Variants in INSRR observed in about 807,000 individuals in gnomAD.
The protein encoded by INSRR is insulin receptor-related protein.
In INSRR, 114 loss-of-function variants were observed where a neutral mutation model predicts 130.0. The ratio of observed to expected loss-of-function variants is 0.88; its 90% CI spans 0.75 to 1.02. The LOEUF is 1.02. INSRR is among the 50% of genes least tolerant of loss of function. The pLI, the probability that INSRR is intolerant of heterozygous loss-of-function variation, is 0.00. For missense variants in INSRR, 1,657 were observed against 1,735.2 expected, an observed-to-expected ratio of 0.95 and a Z score of 0.80; for synonymous variants, 674 against 705.2, an observed-to-expected ratio of 0.96 and a Z score of 0.70.
chr1:156,846,170 T>C (rs1174218487), intron 8 of INSRR, 51 bp from the exon 9 acceptor site: 6 of 1,509,718 alleles, frequency 4.0e-6, no homozygotes, highest in African/African-American at 1.4e-5. Context: ...TCCTCCTGAA[T>C]ACTATCTAGT....
Position 156,853,849 on chromosome 1 carries a change from G to A in INSRR, c.540C>T (p.Cys180=), listed in dbSNP as rs769542190. 1 of 1,613,948 alleles carries A rather than the reference G, an allele frequency of 6.2e-7. No homozygotes were observed. The highest frequency in any genetic ancestry group is 1.7e-5 in the Admixed American group (1 of 60,026). Reference sequence around the variant, plus strand: ...CACCAGCAGCACCCAGCACACCAGGGCACACGTCAGCACACTCCTCGCCCA... The same window carrying A: ...CACCAGCAGCACCCAGCACACCAGGACACACGTCAGCACACTCCTCGCCCA... The part of the protein sequence containing the change: ...NKLGEECADV[C]PGVLGAAGEP... The change falls in exon 2 of 22, where the codon TGC becomes TGT. Residue 180 remains cysteine (C), a synonymous_variant. Transcript: ENST00000368195.
rs528459873 is a variant in INSRR, at chr1:156,844,474, T to A, written c.2725A>T (p.Ile909Phe). ...GSWTDSVAFY[I>F]LGPEEEDAGG... ...AGGCTGTGTATACCTGGGCCAAGGATGTAGAAGGCAACACTGTCTGTCCAA... is the reference window on the plus strand; with the variant it reads ...AGGCTGTGTATACCTGGGCCAAGGAAGTAGAAGGCAACACTGTCTGTCCAA... The change falls in exon 14 of 22, where the codon ATC becomes TTC. Residue 909 changes from isoleucine (I) to phenylalanine (F), a missense_variant. Ile to Phe is a conservative substitution (Grantham distance 21). Transcript: ENST00000368195. 1.9e-6 allele frequency: 3 copies of A among 1,613,788 alleles called. No homozygotes were observed. In the African/African-American group the frequency reaches 4.0e-5, roughly 22 times the overall value.
intron 12 of INSRR, 116 bp downstream of exon 12, chr1:156,844,960 T>C: frequency 6.5e-7 from 1 of 1,549,858 alleles, no homozygotes; most frequent in Non-Finnish European, 8.8e-7. Flanking sequence ...TTATGGGAAC[T>C]GAGAGGGGCA....
At position 156,854,210 on chromosome 1, in the gene INSRR, A is replaced by G; in HGVS notation, c.179T>C (p.Met60Thr). 1.2e-6 allele frequency: 2 copies of G among 1,614,074 alleles called. No homozygotes were observed. The highest frequency in any genetic ancestry group is 1.7e-6 in the Non-Finnish European group (2 of 1,180,038). Reference sequence around the variant, plus strand: ...GAAGTCCTCCCCGGTGGCTGTGAACATGAGCAGGATCTGCAGGTGGCCCTC... The same window carrying G: ...GAAGTCCTCCCCGGTGGCTGTGAACGTGAGCAGGATCTGCAGGTGGCCCTC... Reference protein sequence around the residue: ...VVEGHLQILLMFTATGEDFRG... With the variant: ...VVEGHLQILLTFTATGEDFRG... Residue 60 changes from methionine to threonine, a missense_variant, in exon 2 of 22, where the codon ATG becomes ACG. By Grantham distance (81) the Met-to-Thr change is moderately conservative. Coordinates refer to ENST00000368195, the MANE Select transcript of INSRR (RefSeq NM_014215.3). The surrounding 1 kb of genome is among the most constrained non-coding windows in gnomAD (Gnocchi z 4.2).
In INSRR at chr1:156,840,575, T is replaced by G; in HGVS notation, c.*298A>C. 1 of 443,776 alleles carries G rather than the reference T, an allele frequency of 2.3e-6. No individual in the cohort carries two copies. Among genetic ancestry groups the G allele is most frequent in the South Asian group, 2.6e-5 (1 of 39,132 alleles). The allele number at this position is 443,776 out of a possible 1,614,324, so 27.5% of individuals were successfully genotyped here. On this transcript the variant is annotated 3_prime_UTR_variant, in exon 22 of 22. Transcript: ENST00000368195. Reference sequence around the variant, plus strand: ...GCCTCTAGGGTGGGCGGGCCCCCTCTTCCTAGTCTGAGTGGGGTCCCTACC... The same window carrying G: ...GCCTCTAGGGTGGGCGGGCCCCCTCGTCCTAGTCTGAGTGGGGTCCCTACC...
intron 1 of INSRR, among the ~76,000 whole-genome samples, chr1:156,857,738 C>T (rs1172209265): frequency 2.0e-5 from 3 of 152,212 alleles, no homozygotes; most frequent in African/African-American, 7.2e-5. Context: ...CATCATAGGA[C>T]CTCTCGGGCA....
In INSRR at chr1:156,854,073, C is replaced by T. The variant is rs150399755; in HGVS notation, c.316G>A (p.Gly106Arg). ...GCATAGCCCAGGAAGAGGCGCGTCC[C>T]GCGGATGACTGCTAGGTTGGGGAAG... ...DLFPNLAVIR[G>R]TRLFLGYALV... Residue 106 changes from glycine to arginine, a missense_variant, in exon 2 of 22, where the codon GGG (glycine) becomes AGG (arginine). Physicochemically the swap from Gly to Arg is moderately radical, Grantham distance 125. Transcript: ENST00000368195. This position sits in a 1 kb window ranked among gnomAD's most constrained non-coding sequence, Gnocchi z 4.2. The T allele has an allele frequency of 2.2e-5, 36 of 1,613,962 alleles. No individual in the cohort carries two copies. The South Asian group carries it at 2.3e-4, about 10-fold the overall frequency.
chr1:156,853,259 G>C lies in INSRR; in HGVS notation c.637+493C>G, dbSNP rs369173010. On this transcript the variant is annotated intron_variant, in intron 2 of 21. Coordinates refer to ENST00000368195, the MANE Select transcript of INSRR (RefSeq NM_014215.3). ...CACTGTGCTGTGGCCACTCTGATTA[G>C]GAACATAGAACTGCTACCATGACCC... is the stretch of plus-strand genomic sequence containing the variant. Among the ~76,000 whole-genome samples the C allele has an allele frequency of 5.9e-5, 9 of 152,238 alleles. No individual in the cohort carries two copies. In the East Asian group the frequency reaches 1.2e-3, roughly 20 times the overall value.
Position 156,842,114 on chromosome 1 carries a change from C to T in INSRR, c.3395G>A (p.Gly1132Glu). ...MVSQDFTVKI[G>E]DFGMTRDVYE... Reference sequence around the variant, plus strand: ...CATCTGCCTGGCACCCTCTGTACCCCCGATCTTGACGGTGAAGTCCTGGGA... The same window carrying T: ...CATCTGCCTGGCACCCTCTGTACCCTCGATCTTGACGGTGAAGTCCTGGGA... Residue 1132 changes from glycine to glutamate, a missense_variant and splice_region_variant, in exon 19 of 22, where the codon GGG becomes GAG. Physicochemically the swap from Gly to Glu is moderately conservative, Grantham distance 98 (BLOSUM62 -2). Transcript: ENST00000368195. The T allele has an allele frequency of 6.2e-7, 1 of 1,614,012 alleles. No homozygotes were observed. The highest frequency in any genetic ancestry group is 8.5e-7 in the Non-Finnish European group (1 of 1,179,990).
At position 156,843,473 on chromosome 1, in the gene INSRR, T is replaced by A. The variant is rs1342175978; in HGVS notation, c.2850A>T (p.Arg950Ser). The change falls in exon 16 of 22, where the codon AGA becomes AGT. Residue 950 changes from arginine (R) to serine (S), a missense_variant. By Grantham distance (110) the Arg-to-Ser change is moderately radical. Transcript: ENST00000368195. ...CTGGATTCACAGAAGCATACAGGGT[T>A]CTGTTTCTGCAACGGGAGGTGAGGG... Reference protein sequence around the residue: ...LGFFYGKKRNRTLYASVNPEY... With the variant: ...LGFFYGKKRNSTLYASVNPEY... 1 of 1,614,110 alleles carries A rather than the reference T, an allele frequency of 6.2e-7. No individual in the cohort carries two copies. Among genetic ancestry groups the A allele is most frequent in the African/African-American group, 1.3e-5 (1 of 74,938 alleles).
intron 14 of INSRR, 84 bp from the exon 15 acceptor site, chr1:156,844,364 G>T: frequency 6.4e-7 from 1 of 1,552,340 alleles, no homozygotes; most frequent in Non-Finnish European, 8.8e-7. Flanking sequence ...ATGCTGGGAG[G>T]TGAGGATGGG....
chr1:156,845,697 A>G lies in INSRR; in HGVS notation c.2096T>C (p.Leu699Pro). Residue 699 changes from leucine to proline, a missense_variant, in exon 10 of 22, where the codon CTG (leucine) becomes CCG (proline). Physicochemically the swap from Leu to Pro is moderately conservative, Grantham distance 98. Transcript: ENST00000368195. ...GGCCTCTTGCGCCTCCAGCGGGGGC[A>G]GAACCTGACCAGGAGGTGGGTGCTG... ...PCQHPPPGQV[L>P]PPLEAQEASF... The G allele has an allele frequency of 1.2e-6, 2 of 1,613,288 alleles. No homozygotes were observed. The highest frequency in any genetic ancestry group is 1.7e-6 in the Non-Finnish European group (2 of 1,179,744).
intron 15 of INSRR, 42 bp from the exon 16 acceptor site, chr1:156,843,521 G>A (rs1270779945): frequency 6.3e-7 from 1 of 1,586,014 alleles, no homozygotes; most frequent in Non-Finnish European, 8.7e-7. Flanking sequence ...AGGGTTCTCA[G>A]GAAGGAATGA....
intron 19 of INSRR, 112 bp from the exon 20 acceptor site, chr1:156,841,906 C>G: frequency 1.3e-6 from 2 of 1,584,742 alleles, no homozygotes; most frequent in Non-Finnish European, 1.7e-6. Flanking sequence ...CACCAAGAAC[C>G]CTGGAAAGTA....
chr1:156,852,061 AC>A lies in INSRR; in HGVS notation c.767del (p.Gly256ValfsTer75), dbSNP rs1224582866. ...CTGGCGGGCAGGCCCACAGGCAGGC[AC>A]CCTGGAAGTAGAGGTGGCGGCAAGC... ...CVACRHLYFQGACLWACPPGT... is the reference protein window; with the variant it reads ...CVACRHLYFQXACLWACPPGT... On this transcript the variant is annotated frameshift_variant, in exon 3 of 22. Coordinates refer to ENST00000368195, the MANE Select transcript of INSRR (RefSeq NM_014215.3). LOFTEE classifies it high-confidence loss of function. 7 of 1,613,460 alleles carry A rather than the reference AC, an allele frequency of 4.3e-6. No homozygotes were observed. In the Admixed American group the frequency reaches 1.2e-4, roughly 27 times the overall value.
chr1:156,845,928 G>A lies in INSRR; in HGVS notation c.1978+24C>T, dbSNP rs769901099. 4.4e-6 allele frequency: 7 copies of A among 1,606,074 alleles called. No individual in the cohort carries two copies. The Admixed American group carries it at 8.5e-5, about 19-fold the overall frequency. Reference sequence around the variant, plus strand: ...CCCCTTCCCCACCCGCCCCGCGGCCGGCCTGCGCGTCGTCCCTGCGCACCG... The same window carrying A: ...CCCCTTCCCCACCCGCCCCGCGGCCAGCCTGCGCGTCGTCCCTGCGCACCG... On this transcript the variant is annotated intron_variant, in intron 9 of 21. Transcript: ENST00000368195.
chr1:156,842,980 A>C (rs1391081125), intron 17 of INSRR, 24 bp downstream of exon 17: 1 of 1,567,340 alleles, frequency 6.4e-7, no homozygotes, highest in Non-Finnish European at 8.8e-7. Flanking sequence ...TATGACCCTG[A>C]CAATGCCCTT....
In INSRR at chr1:156,854,333, G is replaced by A. The variant is rs1182299943; in HGVS notation, c.86-30C>T. 1.9e-6 allele frequency: 3 copies of A among 1,568,616 alleles called. No individual in the cohort carries two copies. The highest frequency in any genetic ancestry group is 2.6e-6 in the Non-Finnish European group (3 of 1,157,842). On this transcript the variant is annotated intron_variant, in intron 1 of 21. Transcript: ENST00000368195. This position sits in a 1 kb window ranked among gnomAD's most constrained non-coding sequence, Gnocchi z 4.2. ...GGGCATACACGGCACGCAGCATTGA[G>A]TACAGCCCAGGCCAAATTCCCCATC...
chr1:156,858,411 G>A (rs1038423623), intron 1 of INSRR, 126 bp downstream of exon 1: 14 of 742,276 alleles, frequency 1.9e-5, no homozygotes, highest in African/African-American at 5.2e-5. Flanking sequence ...TCTCCTGAGC[G>A]CTAACCCCAA....
Sources: gnomAD v4.1 joint callset for allele counts (sites outside exome capture counted in the v4.1 genomes callset) on GRCh38, gnomAD v4.1.1 for gene constraint, Gnocchi (gnomAD v3.1) non-coding constraint, MANE v1.5 for transcripts, NCBI Gene and HGNC (gene_info 2026-07-23, HGNC 2026-07-21) for gene names.